PPFIA2: variants seen among roughly 807,000 people sequenced by gnomAD.
The protein encoded by PPFIA2 is liprin-alpha-2.
PPFIA2 carries 46 observed loss-of-function variants against 175.5 expected under a neutral mutation model. The observed-to-expected ratio is 0.26, with a 90% CI of 0.21 to 0.34. PPFIA2 has a LOEUF of 0.34. PPFIA2 is among the 10% of genes least tolerant of loss of function. PPFIA2 has a pLI of 1.00. For synonymous variants in PPFIA2, 568 were observed against 511.4 expected (o/e 1.11, Z -1.49); for missense variants, 1,179 against 1,506.1 (o/e 0.78, Z 3.60).
At chr12:81,414,025 C>A (rs775265855) in intron 7 of PPFIA2, among the ~76,000 whole-genome samples, 6 of 151,662 alleles carry the variant, frequency 4.0e-5, no homozygotes, top group Non-Finnish European at 7.4e-5. Context: ...CTCATTTAAT[C>A]TTTCCAGTAA....
Position 81,325,861 on chromosome 12 carries a change from A to C in PPFIA2, c.2558T>G (p.Met853Arg), listed in dbSNP as rs535213450. The change falls in exon 22 of 33, where the codon ATG (methionine) becomes AGG (arginine). Residue 853 changes from methionine to arginine, a missense_variant. Physicochemically the swap from Met to Arg is moderately conservative, Grantham distance 91 (BLOSUM62 -1). Coordinates refer to ENST00000549396, the MANE Select transcript of PPFIA2 (RefSeq NM_003625.5). ...KARLGQLRGF[M>R]ETEAAAQESL... is the part of the protein sequence containing the mutation. ...CTCCTGAGCTGCAGCTTCAGTCTCC[A>C]TAAAGCCTCCTGTGAAGAGAAGTAA... 1.9e-6 allele frequency: 3 copies of C among 1,611,304 alleles called. No individual in the cohort carries two copies. The South Asian group carries it at 3.3e-5, about 18-fold the overall frequency.
chr12:81,374,327 C>A (rs1258666538), intron 11 of PPFIA2, among the ~76,000 whole-genome samples: 4 of 151,954 alleles, frequency 2.6e-5, no homozygotes, highest in African/African-American at 7.2e-5. Flanking sequence ...ATAACATTAT[C>A]TTTTTTGTTT....
chr12:81,516,633 A>C (rs2147941187), intron 4 of PPFIA2, among the ~76,000 whole-genome samples: 2 of 152,278 alleles, frequency 1.3e-5, no homozygotes, highest in East Asian at 1.9e-4. Context: ...CTACAACACA[A>C]GGAATCTGAG....
intron 8 of PPFIA2, among the ~76,000 whole-genome samples, chr12:81,386,959 C>A (rs1051627628): frequency 3.3e-5 from 5 of 152,022 alleles, no homozygotes; most frequent in African/African-American, 9.7e-5. Context: ...CTGAAACAAG[C>A]CACATAGGAA....
At chr12:81,536,079 T>C (rs1242501589) in intron 4 of PPFIA2, among the ~76,000 whole-genome samples, 1 of 151,804 alleles carries the variant, frequency 6.6e-6, no homozygotes, top group Non-Finnish European at 1.5e-5. Flanking sequence ...AGTGAATATA[T>C]GAGTGTTATA....
intron 4 of PPFIA2, among the ~76,000 whole-genome samples, chr12:81,484,146 T>A (rs1050472139): frequency 1.3e-5 from 2 of 152,044 alleles, no homozygotes; most frequent in African/African-American, 2.4e-5. Flanking sequence ...GTTTCATTTT[T>A]CTGCCCTATG....
intron 3 of PPFIA2, among the ~76,000 whole-genome samples, chr12:81,704,188 T>C (rs1596555034): frequency 6.6e-6 from 1 of 152,250 alleles, no homozygotes; most frequent in South Asian, 2.1e-4. Flanking sequence ...TACACTTAAA[T>C]AGTGAAGTAG....
chr12:81,443,749 G>C (rs529197541), intron 6 of PPFIA2, among the ~76,000 whole-genome samples: 1 of 150,940 alleles, frequency 6.6e-6, no homozygotes, highest in South Asian at 2.1e-4. Flanking sequence ...TACAGCTCTG[G>C]GTTATTTTCT....
At chr12:81,575,859 C>A (rs572169502) in intron 4 of PPFIA2, among the ~76,000 whole-genome samples, 35 of 151,790 alleles carry the variant, frequency 2.3e-4, no homozygotes, top group African/African-American at 8.4e-4. Flanking sequence ...CAAGGTCATG[C>A]ACAGAAGCTG....
chr12:81,442,074 C>T (rs2050275476), intron 6 of PPFIA2, among the ~76,000 whole-genome samples: 1 of 151,874 alleles, frequency 6.6e-6, no homozygotes, highest in East Asian at 1.9e-4. Context: ...TTTCTATTTA[C>T]TACAAGTTAA....
intron 3 of PPFIA2, among the ~76,000 whole-genome samples, chr12:81,731,483 C>A (rs761916258): frequency 1.3e-5 from 2 of 151,586 alleles, no homozygotes; most frequent in South Asian, 2.1e-4. Flanking sequence ...TCAAACATTG[C>A]GAGCAAATGC....
At chr12:81,577,638 T>C (rs1006659188) in intron 4 of PPFIA2, among the ~76,000 whole-genome samples, 1 of 151,872 alleles carries the variant, frequency 6.6e-6, no homozygotes, top group African/African-American at 2.4e-5. Flanking sequence ...TTAGAGTATT[T>C]ATGACAATAA....
chr12:81,563,344 C>G (rs1281191703), intron 4 of PPFIA2, among the ~76,000 whole-genome samples: 1 of 152,118 alleles, frequency 6.6e-6, no homozygotes, highest in Non-Finnish European at 1.5e-5. Flanking sequence ...ACATGTACAA[C>G]CTCTGTTCTA....
At chr12:81,714,937 T>C (rs892216288) in intron 3 of PPFIA2, among the ~76,000 whole-genome samples, 5 of 151,104 alleles carry the variant, frequency 3.3e-5, no homozygotes, top group African/African-American at 4.8e-5. Flanking sequence ...ATGTCAGCTC[T>C]TAACATTTCG....
chr12:81,268,308 T>C (rs889717114), intron 28 of PPFIA2, among the ~76,000 whole-genome samples: 1 of 150,940 alleles, frequency 6.6e-6, no homozygotes, highest in Non-Finnish European at 1.5e-5. Flanking sequence ...CCGGCTAATT[T>C]TTTGTATTTT....
intron 4 of PPFIA2, among the ~76,000 whole-genome samples, chr12:81,557,580 C>G (rs1370151664): frequency 6.6e-6 from 1 of 151,992 alleles, no homozygotes; most frequent in African/African-American, 2.4e-5. Context: ...ACTCAAAGAT[C>G]TCATCATTAA....
At chr12:81,433,651 T>C (rs998128056) in intron 7 of PPFIA2, among the ~76,000 whole-genome samples, 2 of 152,210 alleles carry the variant, frequency 1.3e-5, no homozygotes, top group East Asian at 3.9e-4. Context: ...ATACTGAATG[T>C]TGTTCAAATG....
chr12:81,675,302 G>A (rs968996558), intron 4 of PPFIA2, among the ~76,000 whole-genome samples: 3 of 151,640 alleles, frequency 2.0e-5, no homozygotes, highest in Non-Finnish European at 2.9e-5. Context: ...CATTGATGTC[G>A]TTTGCCTTCA....
intron 4 of PPFIA2, among the ~76,000 whole-genome samples, chr12:81,494,131 G>T (rs2059752323): frequency 6.6e-6 from 1 of 151,792 alleles, no homozygotes. Context: ...CACAGCAAAA[G>T]AAACTACCAT....
Sources: allele counts gnomAD v4.1 joint callset (sites outside exome capture counted in the v4.1 genomes callset), GRCh38; gene constraint gnomAD v4.1.1; transcripts MANE v1.5; gene names NCBI Gene and HGNC (gene_info 2026-07-23, HGNC 2026-07-21).